The following SLC25A21 variants were observed in gnomAD, a reference collection of about 807,000 sequenced individuals.
SLC25A21 encodes the protein solute carrier family 25 member 21, also known as mitochondrial 2-oxodicarboxylate carrier.
A neutral mutation model predicts 43.8 loss-of-function variants in SLC25A21; 47 were observed. The ratio of observed to expected loss-of-function variants is 1.07; its 90% CI spans 0.85 to 1.37. The LOEUF (loss-of-function observed/expected upper bound fraction) is 1.37, where lower values mean the gene tolerates loss of function less well. Among genes scored for constraint, SLC25A21 ranks in the 40% most tolerant of loss-of-function variants. The probability of loss-of-function intolerance (pLI) is 0.00; values close to 1 mark genes in which losing one functional copy is unlikely to be tolerated. For synonymous variants in SLC25A21, 131 were observed against 121.3 expected (o/e 1.08, Z -0.52); for missense variants, 352 against 350.2 (o/e 1.00, Z -0.04).
intron 1 of SLC25A21, among the ~76,000 whole-genome samples, chr14:37,008,452 T>C (rs1269943364): frequency 2.0e-5 from 3 of 152,182 alleles, no homozygotes; most frequent in African/African-American, 7.2e-5. Flanking sequence ...GCCATTGCAA[T>C]AGAGGATGTG....
intron 1 of SLC25A21, among the ~76,000 whole-genome samples, chr14:37,154,047 G>A (rs971135234): frequency 2.0e-5 from 3 of 152,060 alleles, no homozygotes; most frequent in African/African-American, 4.8e-5. Context: ...CAACATCTGA[G>A]CAAGCCACCT....
chr14:37,137,256 T>TA, intron 1 of SLC25A21, among the ~76,000 whole-genome samples: 1 of 152,208 alleles, frequency 6.6e-6, no homozygotes, highest in South Asian at 2.1e-4. Flanking sequence ...CTCGGCCTCC[T>TA]AAAGTGCTGG....
chr14:36,819,554 T>C (rs1472734471), intron 2 of SLC25A21, among the ~76,000 whole-genome samples: 1 of 152,146 alleles, frequency 6.6e-6, no homozygotes, highest in East Asian at 1.9e-4. Flanking sequence ...AAGAAAGATA[T>C]GCCTGTAAGA....
intron 1 of SLC25A21, among the ~76,000 whole-genome samples, chr14:37,155,009 C>A (rs1350031400): frequency 6.6e-6 from 1 of 151,790 alleles, no homozygotes; most frequent in Non-Finnish European, 1.5e-5. Context: ...ATAAAAAATA[C>A]ATTTGAAAAC....
At chr14:37,138,431 AGAAAATGT>A in intron 1 of SLC25A21, among the ~76,000 whole-genome samples, 1 of 152,274 alleles carries the variant, frequency 6.6e-6, no homozygotes, top group East Asian at 1.9e-4. Flanking sequence ...AAAATTTGAG[AGAAAATGT>A]GAAGATTTTC....
chr14:36,800,394 C>A (rs1234291155), intron 3 of SLC25A21, among the ~76,000 whole-genome samples: 1 of 152,052 alleles, frequency 6.6e-6, no homozygotes, highest in Non-Finnish European at 1.5e-5. Flanking sequence ...ATTATTCAGT[C>A]TTAAAAAGGA....
intron 2 of SLC25A21, among the ~76,000 whole-genome samples, chr14:36,873,322 G>T (rs1227042111): frequency 6.6e-6 from 1 of 151,948 alleles, no homozygotes; most frequent in African/African-American, 2.4e-5. Context: ...TTGAGATGGG[G>T]TCTTGCTCTG....
intron 6 of SLC25A21, among the ~76,000 whole-genome samples, chr14:36,720,972 AC>A (rs2139204700): frequency 6.6e-6 from 1 of 152,174 alleles, no homozygotes; most frequent in East Asian, 1.9e-4. Context: ...GAGGGAGAAG[AC>A]CCTTGCTCAG....
At chr14:37,006,603 T>C (rs948428361) in intron 1 of SLC25A21, among the ~76,000 whole-genome samples, 1 of 152,114 alleles carries the variant, frequency 6.6e-6, no homozygotes, top group African/African-American at 2.4e-5. Context: ...AATTTCATAC[T>C]GCCCGATCTA....
At chr14:36,992,878 T>C (rs990234698) in intron 1 of SLC25A21, among the ~76,000 whole-genome samples, 6 of 152,178 alleles carry the variant, frequency 3.9e-5, no homozygotes, top group African/African-American at 1.2e-4. Flanking sequence ...CATCTCTTAG[T>C]GTGGGCACAA....
At chr14:36,757,679 A>G (rs552630693) in intron 3 of SLC25A21, among the ~76,000 whole-genome samples, 1 of 152,346 alleles carries the variant, frequency 6.6e-6, no homozygotes, top group Admixed American at 6.5e-5. Context: ...CTCAATACTT[A>G]TGGACATGCA....
At chr14:36,787,860 T>C (rs1887307331) in intron 3 of SLC25A21, among the ~76,000 whole-genome samples, 1 of 152,200 alleles carries the variant, frequency 6.6e-6, no homozygotes, top group Admixed American at 6.5e-5. Context: ...CAAGTACAAA[T>C]AGTTTCTGTG....
chr14:36,870,162 G>A (rs1427321939), intron 2 of SLC25A21, among the ~76,000 whole-genome samples: 1 of 152,104 alleles, frequency 6.6e-6, no homozygotes, highest in Non-Finnish European at 1.5e-5. Context: ...TGTAAGAAGG[G>A]GAAATGGGGA....
chr14:36,718,590 T>C (rs1207251969), intron 6 of SLC25A21, among the ~76,000 whole-genome samples: 1 of 152,198 alleles, frequency 6.6e-6, no homozygotes, highest in African/African-American at 2.4e-5. Context: ...CTCTATGTAA[T>C]ATAAGTTTAA....
Position 36,904,385 on chromosome 14 carries a change from A to G in SLC25A21, c.71-29381T>C, listed in dbSNP as rs190719779. ...CAGAATGGTTTTTCCCTTAAATTTC[A>G]AAGGTTGCAAGAGATTTTTGCAAGC... is the stretch of plus-strand genomic sequence containing the variant. On this transcript the variant is annotated intron_variant, in intron 1 of 9. Coordinates refer to ENST00000331299, the MANE Select transcript of SLC25A21 (RefSeq NM_030631.4). Among the ~76,000 whole-genome samples the G allele has an allele frequency of 1.2e-3, 187 of 152,330 alleles. 1 individual carries two copies. The highest frequency in any genetic ancestry group is 4.2e-3 in the African/African-American group (174 of 41,578).
chr14:36,776,238 CTTT>C (rs35856297), intron 3 of SLC25A21, among the ~76,000 whole-genome samples: 1 of 89,900 alleles, frequency 1.1e-5, no homozygotes, highest in Non-Finnish European at 1.9e-5. Flanking sequence ...TTCTTTCTTT[CTTT>C]TTTTTTTTTT....
At chr14:37,027,506 A>AT (rs1436094622) in intron 1 of SLC25A21, among the ~76,000 whole-genome samples, 1 of 152,094 alleles carries the variant, frequency 6.6e-6, no homozygotes, top group Non-Finnish European at 1.5e-5. Context: ...AAGGACCTAG[A>AT]TTTTATCTCT....
chr14:37,029,712 G>C (rs1447783633), intron 1 of SLC25A21, among the ~76,000 whole-genome samples: 1 of 150,486 alleles, frequency 6.6e-6, no homozygotes, highest in African/African-American at 2.5e-5. Context: ...GAAGAAAACT[G>C]GTATATAGCT....
chr14:36,706,908 G>A (rs1399786113), intron 7 of SLC25A21, among the ~76,000 whole-genome samples: 2 of 151,554 alleles, frequency 1.3e-5, no homozygotes, highest in South Asian at 2.1e-4. Context: ...AGAGTCATCA[G>A]GCTGTTCCTC....
Sources: allele counts gnomAD v4.1 joint callset (sites outside exome capture counted in the v4.1 genomes callset), GRCh38; gene constraint gnomAD v4.1.1; transcripts MANE v1.5; gene names NCBI Gene and HGNC (gene_info 2026-07-23, HGNC 2026-07-21).